The following PABPC4L variants were observed in gnomAD, a reference collection of about 807,000 sequenced individuals.
The protein encoded by PABPC4L is poly(A) binding protein cytoplasmic 4 like.
For missense variants in PABPC4L, 452 were observed against 451.4 expected (o/e 1.00, Z -0.01); for synonymous variants, 169 against 164.1 (o/e 1.03, Z -0.23).
At chr4:134,119,784 C>G in the PABPC4L span, among the ~76,000 whole-genome samples, 7 of 151,604 alleles carry the variant, frequency 4.6e-5, no homozygotes, top group African/African-American at 7.3e-5. Flanking sequence ...TAATTATACT[C>G]TTTATATTTT....
At chr4:134,118,675 T>C in the PABPC4L span, among the ~76,000 whole-genome samples, 2 of 151,848 alleles carry the variant, frequency 1.3e-5, no homozygotes, top group African/African-American at 2.4e-5. Flanking sequence ...TGGATTTTAT[T>C]TGTTGGCATT....
chr4:134,014,761 C>T, the PABPC4L span, among the ~76,000 whole-genome samples: 10 of 151,942 alleles, frequency 6.6e-5, no homozygotes, highest in African/African-American at 2.4e-4. Flanking sequence ...CAAAGCCTAC[C>T]CACTCCACAT....
chr4:134,142,352 G>GGGAAAT, the PABPC4L span, among the ~76,000 whole-genome samples: 15 of 151,824 alleles, frequency 9.9e-5, no homozygotes, highest in African/African-American at 3.6e-4. Flanking sequence ...GAAAGGGAAA[G>GGGAAAT]AGACACGTTT....
the PABPC4L span, among the ~76,000 whole-genome samples, chr4:134,046,156 CAG>C: frequency 4.0e-4 from 61 of 152,154 alleles, no homozygotes; most frequent in Middle Eastern, 3.4e-3. Flanking sequence ...TGAGTTCCCT[CAG>C]AATTTATTGA....
At chr4:134,001,763 T>A in the PABPC4L span, among the ~76,000 whole-genome samples, 1 of 152,128 alleles carries the variant, frequency 6.6e-6, no homozygotes. Flanking sequence ...AATATGGTGC[T>A]ACTTTTTCCT....
the PABPC4L span, among the ~76,000 whole-genome samples, chr4:134,088,237 C>T: frequency 6.6e-6 from 1 of 152,080 alleles, no homozygotes; most frequent in African/African-American, 2.4e-5. Flanking sequence ...GTTTTAAAAT[C>T]ATGTGGCCTC....
At chr4:134,136,904 T>C in the PABPC4L span, among the ~76,000 whole-genome samples, 572 of 152,158 alleles carry the variant, frequency 3.8e-3, 2 homozygotes, top group African/African-American at 0.013. Context: ...CTCTGAGCTA[T>C]AGTTAGTTTG....
At chr4:134,082,373 C>T in the PABPC4L span, among the ~76,000 whole-genome samples, 1 of 151,872 alleles carries the variant, frequency 6.6e-6, no homozygotes, top group Non-Finnish European at 1.5e-5. Flanking sequence ...ACATGTAGGC[C>T]AGTGTTAGTC....
chr4:134,168,891 T>A, the PABPC4L span, among the ~76,000 whole-genome samples: 51 of 152,186 alleles, frequency 3.4e-4, no homozygotes, highest in East Asian at 9.6e-3. Context: ...AAGTTGAGAA[T>A]GAGGGAATAC....
the PABPC4L span, among the ~76,000 whole-genome samples, chr4:134,019,183 G>A: frequency 6.6e-6 from 1 of 152,128 alleles, no homozygotes; most frequent in Admixed American, 6.6e-5. Flanking sequence ...GAAGGAATCT[G>A]TTTGTCAGCC....
the PABPC4L span, among the ~76,000 whole-genome samples, chr4:134,135,849 A>AATAT: frequency 6.6e-6 from 1 of 152,000 alleles, no homozygotes; most frequent in African/African-American, 2.4e-5. Context: ...TAAATAAATA[A>AATAT]ATAAAATAAA....
At chr4:133,976,115 T>C in the PABPC4L span, among the ~76,000 whole-genome samples, 7 of 152,006 alleles carry the variant, frequency 4.6e-5, no homozygotes, top group African/African-American at 7.2e-5. Context: ...CCTGCCACCT[T>C]CCCCCAACAG....
chr4:134,064,078 A>G, the PABPC4L span, among the ~76,000 whole-genome samples: 1 of 152,062 alleles, frequency 6.6e-6, no homozygotes, highest in Non-Finnish European at 1.5e-5. Flanking sequence ...AAAGAAAATA[A>G]TGAACATGCA....
At chr4:134,009,718 T>C in the PABPC4L span, among the ~76,000 whole-genome samples, 1 of 152,034 alleles carries the variant, frequency 6.6e-6, no homozygotes. Context: ...TCAGATGTCA[T>C]AATAGCATAT....
At chr4:133,970,075 AAT>A in the PABPC4L span, among the ~76,000 whole-genome samples, 5 of 123,930 alleles carry the variant, frequency 4.0e-5, no homozygotes, top group East Asian at 8.6e-4. Flanking sequence ...ATATTTAAAA[AAT>A]ATATATATTT....
the PABPC4L span, among the ~76,000 whole-genome samples, chr4:134,138,523 C>A: frequency 6.6e-6 from 1 of 151,698 alleles, no homozygotes; most frequent in Non-Finnish European, 1.5e-5. Context: ...ATAGGTGAAG[C>A]ATTTTGGGAC....
chr4:134,115,049 T>G, the PABPC4L span, among the ~76,000 whole-genome samples: 1 of 151,990 alleles, frequency 6.6e-6, no homozygotes, highest in South Asian at 2.1e-4. Context: ...CATTTCTCAT[T>G]TCTGCCATCT....
At chr4:134,186,132 A>G in the PABPC4L span, among the ~76,000 whole-genome samples, 292 of 152,322 alleles carry the variant, frequency 1.9e-3, no homozygotes, top group Non-Finnish European at 3.9e-3. Context: ...TACAGATTCA[A>G]TGCCATCCCC....
chr4:133,956,058 T>TAA, the PABPC4L span, among the ~76,000 whole-genome samples: 20 of 151,336 alleles, frequency 1.3e-4, no homozygotes, highest in Middle Eastern at 3.4e-3. Flanking sequence ...ATGGACTTAT[T>TAA]AAAAAAAAAT....
Sources: gnomAD v4.1 joint callset for allele counts (sites outside exome capture counted in the v4.1 genomes callset) on GRCh38, gnomAD v4.1.1 for gene constraint, MANE v1.5 for transcripts, NCBI Gene and HGNC (gene_info 2026-07-23, HGNC 2026-07-21) for gene names.